TRIM47: variants seen among roughly 807,000 people sequenced by gnomAD.
The protein encoded by TRIM47 is E3 ubiquitin-protein ligase TRIM47.
Under a neutral mutation model 54.4 loss-of-function variants are expected in TRIM47, and 46 were observed. The ratio of observed to expected loss-of-function variants is 0.84; its 90% CI spans 0.67 to 1.08. The LOEUF (loss-of-function observed/expected upper bound fraction) is 1.08, where lower values mean the gene tolerates loss of function less well. TRIM47 is among the 50% of genes least tolerant of loss of function. The pLI is 0.00. For synonymous variants in TRIM47, 392 were observed against 410.2 expected, an observed-to-expected ratio of 0.96 and a Z score of 0.54; for missense variants, 825 against 910.1, an observed-to-expected ratio of 0.91 and a Z score of 1.20.
chr17:75,878,522 G>A lies in TRIM47; in HGVS notation c.27C>T (p.Cys9=). Residue 9 remains cysteine, a synonymous_variant, in exon 1 of 6, where the codon TGC becomes TGT. Transcript: ENST00000254816. The stretch of plus-strand genomic sequence containing the variant: ...CCCGGAGTGGCTCTAGGCAGATGGG[G>A]CAGCTGAAGGGTCCACTGCCGTCCA... MDGSGPFS[C]PICLEPLREP... 1 of 1,324,118 alleles carries A rather than the reference G, an allele frequency of 7.6e-7. No homozygotes were observed. The highest frequency in any genetic ancestry group is 9.7e-7 in the Non-Finnish European group (1 of 1,027,630). The allele number at this position is 1,324,118 out of a possible 1,614,324, so 82.0% of individuals were successfully genotyped here. A position where few individuals can be genotyped will look rare whatever the true frequency, so the allele number is the denominator to read the frequency against.
At position 75,874,341 on chromosome 17, in the gene TRIM47, G is replaced by A. The variant is rs1263269648; in HGVS notation, c.*142C>T. ...TCCTGCCTGGGAGAGGGAAGGCTGA[G>A]TGTATAAAAAGGTGGAAGCCTCTAG... On this transcript the variant is annotated 3_prime_UTR_variant, in exon 6 of 6. Coordinates refer to ENST00000254816, the MANE Select transcript of TRIM47 (RefSeq NM_033452.3). This position sits in a 1 kb window ranked among gnomAD's most constrained non-coding sequence, Gnocchi z 6.2. The A allele has an allele frequency of 6.8e-6, 5 of 730,574 alleles. No individual in the cohort carries two copies. Among genetic ancestry groups the A allele is most frequent in the Non-Finnish European group, 1.0e-5 (5 of 483,736 alleles). The allele number at this position is 730,574 out of a possible 1,614,324, so 45.3% of individuals were successfully genotyped here. A position where few individuals can be genotyped will look rare whatever the true frequency, so the allele number is the denominator to read the frequency against.
Position 75,874,410 on chromosome 17 carries a change from C to T in TRIM47, c.*73G>A. Reference sequence around the variant, plus strand: ...TGTGGGACTCATGCTGGTGCCTTCCCAGACGAAGGAGAGGGCCCAGAGGAG... The same window carrying T: ...TGTGGGACTCATGCTGGTGCCTTCCTAGACGAAGGAGAGGGCCCAGAGGAG... On this transcript the variant is annotated 3_prime_UTR_variant, in exon 6 of 6. Coordinates refer to ENST00000254816, the MANE Select transcript of TRIM47 (RefSeq NM_033452.3). The surrounding 1 kb of genome is among the most constrained non-coding windows in gnomAD (Gnocchi z 6.2). The T allele has an allele frequency of 7.1e-7, 1 of 1,406,124 alleles. No individual in the cohort carries two copies. 87.1% of individuals were successfully genotyped at this position (1,406,124 alleles called of 1,614,324 possible). A position where few individuals can be genotyped will look rare whatever the true frequency, so the allele number is the denominator to read the frequency against.
Position 75,878,418 on chromosome 17 carries a change from C to G in TRIM47, c.131G>C (p.Gly44Ala). ...GGCCGCGCCTCCGGGTCCGCCGGCT[C>G]CACTCGCGCCACGATGCGGCCAGAG... ...GALWPHRGAS[G>A]AGGPGGAARC... Residue 44 changes from glycine (G) to alanine (A), a missense_variant, in exon 1 of 6, where the codon GGA becomes GCA. Physicochemically the swap from Gly to Ala is moderately conservative, Grantham distance 60. Transcript: ENST00000254816. 1 of 1,429,700 alleles carries G rather than the reference C, an allele frequency of 7.0e-7. No homozygotes were observed. The highest frequency in any genetic ancestry group is 9.2e-7 in the Non-Finnish European group (1 of 1,083,432). The allele number at this position is 1,429,700 out of a possible 1,614,324, so 88.6% of individuals were successfully genotyped here.
At chr17:75,876,870 C>A in intron 1 of TRIM47, 57 bp from the exon 2 acceptor site, 1 of 1,560,048 alleles carries the variant, frequency 6.4e-7, no homozygotes, top group Non-Finnish European at 8.8e-7. Context: ...GCCCTACACT[C>A]GGGTCCCAGG....
intron 1 of TRIM47, 166 bp from the exon 2 acceptor site, chr17:75,876,979 G>A: frequency 1.5e-6 from 1 of 664,634 alleles, no homozygotes; most frequent in Non-Finnish European, 2.6e-6. Flanking sequence ...AGAGGTGCCT[G>A]CAGCCCAGGC....
At chr17:75,876,197 C>T (rs1160816531) in intron 3 of TRIM47, 65 bp downstream of exon 3, 2 of 1,564,568 alleles carry the variant, frequency 1.3e-6, no homozygotes, top group South Asian at 2.3e-5. Flanking sequence ...CCCACTGCCT[C>T]CTCCTCCCTC....
chr17:75,878,403 C>T lies in TRIM47; in HGVS notation c.146G>A (p.Gly49Glu), dbSNP rs369939024. ...GCACAGCGGGCAGCGGGCCGCGCCT[C>T]CGGGTCCGCCGGCTCCACTCGCGCC... ...HRGASGAGGP[G>E]GAARCPLCQE... The change falls in exon 1 of 6, where the codon GGA becomes GAA. Residue 49 changes from glycine (G) to glutamate (E), a missense_variant. Coordinates refer to ENST00000254816, the MANE Select transcript of TRIM47 (RefSeq NM_033452.3). 4.9e-6 allele frequency: 7 copies of T among 1,426,138 alleles called. No homozygotes were observed. Among genetic ancestry groups the T allele is most frequent in the Non-Finnish European group, 6.5e-6 (7 of 1,082,956 alleles). 88.3% of individuals were successfully genotyped at this position (1,426,138 alleles called of 1,614,324 possible).
rs1253729857 is a variant in TRIM47, at chr17:75,878,162, G to A, written c.387C>T (p.Cys129=). 5 of 1,238,352 alleles carry A rather than the reference G, an allele frequency of 4.0e-6. No individual in the cohort carries two copies. The highest frequency in any genetic ancestry group is 5.0e-6 in the Non-Finnish European group (5 of 992,004). 76.7% of individuals were successfully genotyped at this position (1,238,352 alleles called of 1,614,324 possible). Residue 129 remains cysteine (C), a synonymous_variant, in exon 1 of 6, where the codon TGC becomes TGT. Coordinates refer to ENST00000254816, the MANE Select transcript of TRIM47 (RefSeq NM_033452.3). The stretch of plus-strand genomic sequence containing the variant: ...GGGCCGCGCCCTCGGGGCACGCGTC[G>A]CAGCGCACTGGCTCTTCGCCCGCGG... ...PWPAGEEPVR[C]DACPEGAALP...
At position 75,875,925 on chromosome 17, in the gene TRIM47, C is replaced by T; in HGVS notation, c.1177G>A (p.Gly393Arg). Residue 393 changes from glycine (G) to arginine (R), a missense_variant, in exon 4 of 6, where the codon GGG becomes AGG. Transcript: ENST00000254816. The surrounding 1 kb of genome is among the most constrained non-coding windows in gnomAD (Gnocchi z 6.1). ...CCTTCCGAGTCCAGCTTCTGTGGCC[C>T]ATCCTCGTTGCCACCCGGCCCCCTC... ...QLRGPGGNED[G>R]PQKLDSEADA... is the part of the protein sequence containing the mutation. 6.2e-7 allele frequency: 1 copy of T among 1,612,306 alleles called. No individual in the cohort carries two copies. Among genetic ancestry groups the T allele is most frequent in the Non-Finnish European group, 8.5e-7 (1 of 1,179,878 alleles).
In TRIM47 at chr17:75,876,021, T is replaced by G. The variant is rs1238224526; in HGVS notation, c.1081A>C (p.Lys361Gln). Residue 361 changes from lysine to glutamine, a missense_variant, in exon 4 of 6, where the codon AAA (lysine) becomes CAA (glutamine). By Grantham distance (53) the Lys-to-Gln change is moderately conservative. Transcript: ENST00000254816. ...PGPPRELSFT[K>Q]SSQAVRAVRD... ...ACTGCACGGACAGCTTGGGATGATT[T>G]GGTGAAGCTGAGCTCCCTCGGGGGT... The G allele has an allele frequency of 8.7e-6, 14 of 1,604,458 alleles. No homozygotes were observed. The highest frequency in any genetic ancestry group is 1.2e-5 in the Non-Finnish European group (14 of 1,179,970).
Position 75,875,851 on chromosome 17 carries a change from G to T in TRIM47, c.1201+50C>A. ...GGGCGCCAGGCCTGGGGGCCTGTGC[G>T]AGAGGCTGGCAGAGGGTGAGTCATC... On this transcript the variant is annotated intron_variant, in intron 4 of 5. Coordinates refer to ENST00000254816, the MANE Select transcript of TRIM47 (RefSeq NM_033452.3). The surrounding 1 kb of genome is among the most constrained non-coding windows in gnomAD (Gnocchi z 6.1). 6.3e-7 allele frequency: 1 copy of T among 1,581,326 alleles called. No individual in the cohort carries two copies. The highest frequency in any genetic ancestry group is 8.6e-7 in the Non-Finnish European group (1 of 1,163,562).
intron 3 of TRIM47, 44 bp downstream of exon 3, chr17:75,876,218 G>A: frequency 1.3e-6 from 2 of 1,575,568 alleles, no homozygotes; most frequent in Non-Finnish European, 1.7e-6. Flanking sequence ...CACCCCACCT[G>A]TCCCAGCTTC....
rs775540029 is a variant in TRIM47 at position 75,874,530 on chromosome 17, T to C, written c.1870A>G (p.Ile624Val). ...ATGCAGGACTTCTTGAGGGGCCCGA[T>C]CTGCAAGTGGGCGTCCACACTCTCC... Reference protein sequence around the residue: ...FLESVDAHLQIGPLKKSCISV... With the variant: ...FLESVDAHLQVGPLKKSCISV... Residue 624 changes from isoleucine to valine, a missense_variant, in exon 6 of 6, where the codon ATC (isoleucine) becomes GTC (valine). Physicochemically the swap from Ile to Val is conservative, Grantham distance 29 (BLOSUM62 3). Transcript: ENST00000254816. The surrounding 1 kb of genome is among the most constrained non-coding windows in gnomAD (Gnocchi z 6.2). 1.1e-5 allele frequency: 17 copies of C among 1,513,654 alleles called. No individual in the cohort carries two copies. The highest frequency in any genetic ancestry group is 1.5e-5 in the Non-Finnish European group (17 of 1,130,992). 93.8% of individuals were successfully genotyped at this position (1,513,654 alleles called of 1,614,324 possible).
rs1321445544 is a variant in TRIM47, at chr17:75,875,946, C to T, written c.1156G>A (p.Gly386Arg). Residue 386 changes from glycine (G) to arginine (R), a missense_variant, in exon 4 of 6, where the codon GGG becomes AGG. Physicochemically the swap from Gly to Arg is moderately radical, Grantham distance 125. Transcript: ENST00000254816. This position sits in a 1 kb window ranked among gnomAD's most constrained non-coding sequence, Gnocchi z 6.1. ...GGCCCATCCTCGTTGCCACCCGGCC[C>T]CCTCAGCTGCTCCCACTGGTTGACG... Reference protein sequence around the residue: ...ACVNQWEQLRGPGGNEDGPQK... With the variant: ...ACVNQWEQLRRPGGNEDGPQK... The T allele has an allele frequency of 1.9e-6, 3 of 1,611,412 alleles. No individual in the cohort carries two copies. Among genetic ancestry groups the T allele is most frequent in the Non-Finnish European group, 1.7e-6 (2 of 1,179,972 alleles).
intron 1 of TRIM47, chr17:75,877,646 C>T (rs764016930): frequency 3.3e-6 from 4 of 1,222,724 alleles, no homozygotes; most frequent in Middle Eastern, 3.1e-4. Flanking sequence ...GTCCCCTGCC[C>T]GCTCTTCGCG....
rs1470405814 is a variant in TRIM47, at chr17:75,878,452, G to C, written c.97C>G (p.Leu33Val). Residue 33 changes from leucine to valine, a missense_variant, in exon 1 of 6, where the codon CTG becomes GTG. Transcript: ENST00000254816. Reference sequence around the variant, plus strand: ...CCACGATGCGGCCAGAGCGCGCCCAGGCAGGCGAGACAGAAGTTGTGGCCG... The same window carrying C: ...CCACGATGCGGCCAGAGCGCGCCCACGCAGGCGAGACAGAAGTTGTGGCCG... ...PCGHNFCLAC[L>V]GALWPHRGAS... is the part of the protein sequence containing the mutation. 1.4e-6 allele frequency: 2 copies of C among 1,429,956 alleles called. No individual in the cohort carries two copies. The highest frequency in any genetic ancestry group is 2.5e-5 in the Admixed American group (1 of 39,834). 88.6% of individuals were successfully genotyped at this position (1,429,956 alleles called of 1,614,324 possible). A position where few individuals can be genotyped will look rare whatever the true frequency, so the allele number is the denominator to read the frequency against.
chr17:75,876,562 C>A, intron 2 of TRIM47, 70 bp from the exon 3 acceptor site: 1 of 1,505,462 alleles, frequency 6.6e-7, no homozygotes, highest in African/African-American at 1.4e-5. Flanking sequence ...CCCTCCTTCC[C>A]TGACCCCGGC....
chr17:75,875,356 G>A lies in TRIM47; in HGVS notation c.1276+44C>T, dbSNP rs534379559. The stretch of plus-strand genomic sequence containing the variant: ...CTGCTGGGACCAGCCCAGCAGCCCT[G>A]GGAGGGCCCAGTGTGAGTGGAGGGG... On this transcript the variant is annotated intron_variant, in intron 5 of 5. Transcript: ENST00000254816. This position sits in a 1 kb window ranked among gnomAD's most constrained non-coding sequence, Gnocchi z 6.1. 1.9e-6 allele frequency: 3 copies of A among 1,598,554 alleles called. No homozygotes were observed. The Admixed American group carries it at 5.0e-5, about 27-fold the overall frequency.
intron 1 of TRIM47, chr17:75,877,636 GT>G (rs2065143357): frequency 1.6e-6 from 2 of 1,215,852 alleles, no homozygotes; most frequent in Non-Finnish European, 2.1e-6. Context: ...CCGGCTTCAG[GT>G]CCCCTGCCCG....
Sources: allele counts gnomAD v4.1 joint callset, GRCh38; gene constraint gnomAD v4.1.1; non-coding constraint Gnocchi (gnomAD v3.1); transcripts MANE v1.5; gene names NCBI Gene and HGNC (gene_info 2026-07-23, HGNC 2026-07-21).